RAB38: variants seen among roughly 807,000 people sequenced by gnomAD.
RAB38 encodes ras-related protein Rab-38.
RAB38 carries 15 observed loss-of-function variants against 18.4 expected under a neutral mutation model. That is an observed-to-expected ratio of 0.82 (90% CI 0.55 to 1.26). The LOEUF (loss-of-function observed/expected upper bound fraction) is 1.26. Among genes scored for constraint, RAB38 ranks in the 50% most tolerant of loss-of-function variants. The pLI, the probability that RAB38 is intolerant of heterozygous loss-of-function variation, is 0.00. For missense variants in RAB38, 294 were observed against 267.4 expected (o/e 1.10, Z -0.69); for synonymous variants, 101 against 104.4 (o/e 0.97, Z 0.20).
the RAB38 span, among the ~76,000 whole-genome samples, chr11:88,005,542 G>C: frequency 6.6e-6 from 1 of 150,654 alleles, no homozygotes; most frequent in Non-Finnish European, 1.5e-5. Flanking sequence ...TATTTTGTTG[G>C]TTGTCTCTTT....
chr11:87,820,151 C>T, the RAB38 span, among the ~76,000 whole-genome samples: 1 of 152,308 alleles, frequency 6.6e-6, no homozygotes, highest in Non-Finnish European at 1.5e-5. Context: ...TAGTGCTCTG[C>T]AGCTGGCGTT....
the RAB38 span, among the ~76,000 whole-genome samples, chr11:88,021,173 G>A: frequency 6.6e-6 from 1 of 152,056 alleles, no homozygotes; most frequent in Non-Finnish European, 1.5e-5. Flanking sequence ...TTGGTTTATT[G>A]AAAAGATAAA....
At chr11:87,821,583 C>T in the RAB38 span, among the ~76,000 whole-genome samples, 2 of 152,116 alleles carry the variant, frequency 1.3e-5, no homozygotes, top group African/African-American at 4.8e-5. Flanking sequence ...GGCACAGTGG[C>T]TCAGGCCTGT....
At chr11:87,843,845 G>A in the RAB38 span, among the ~76,000 whole-genome samples, 2 of 152,112 alleles carry the variant, frequency 1.3e-5, no homozygotes, top group East Asian at 1.9e-4. Flanking sequence ...ATAGGGTTCT[G>A]GGTAATGTAA....
At chr11:87,918,232 A>G in the RAB38 span, among the ~76,000 whole-genome samples, 7,476 of 152,180 alleles carry the variant, frequency 0.049, 589 homozygotes, top group African/African-American at 0.17. Flanking sequence ...TTCTTTGTAT[A>G]GCTGAATAGT....
chr11:87,929,355 CTTTTT>C, the RAB38 span, among the ~76,000 whole-genome samples: 1 of 147,714 alleles, frequency 6.8e-6, no homozygotes, highest in Admixed American at 6.8e-5. Flanking sequence ...TATCTCATTC[CTTTTT>C]TTTTTCCAGC....
At chr11:88,026,399 T>TA in the RAB38 span, among the ~76,000 whole-genome samples, 2 of 148,468 alleles carry the variant, frequency 1.3e-5, no homozygotes, top group South Asian at 2.2e-4. Flanking sequence ...CCGTCTCCAC[T>TA]AAAAAAACAA....
the RAB38 span, among the ~76,000 whole-genome samples, chr11:87,976,317 C>A: frequency 0.039 from 5,169 of 132,194 alleles, 184 homozygotes; most frequent in South Asian, 0.089. Flanking sequence ...TACACATATA[C>A]CAGAGTTTTT....
the RAB38 span, among the ~76,000 whole-genome samples, chr11:87,873,949 T>TATATATATATATATATATAC: frequency 1.3e-3 from 186 of 137,990 alleles, 1 homozygote; most frequent in Admixed American, 4.4e-3. Context: ...TATATATATA[T>TATATATATATATATATATAC]ACTCTGCATA....
chr11:88,172,321 C>G (rs1163112340), intron 1 of RAB38, among the ~76,000 whole-genome samples: 1 of 152,214 alleles, frequency 6.6e-6, no homozygotes, highest in East Asian at 1.9e-4. Context: ...GCCTACTTCA[C>G]AAGACCCCAG....
chr11:87,947,962 G>T, the RAB38 span, among the ~76,000 whole-genome samples: 19 of 152,118 alleles, frequency 1.2e-4, no homozygotes, highest in Non-Finnish European at 2.1e-4. Flanking sequence ...GGGGATGGCA[G>T]TGAATCTATA....
chr11:88,135,432 T>C (rs1432206105), intron 2 of RAB38, among the ~76,000 whole-genome samples: 1 of 152,190 alleles, frequency 6.6e-6, no homozygotes. Flanking sequence ...AATAAATGAA[T>C]AGATAAAACC....
chr11:87,904,632 T>C, the RAB38 span, among the ~76,000 whole-genome samples: 1 of 151,706 alleles, frequency 6.6e-6, no homozygotes, highest in African/African-American at 2.4e-5. Context: ...GATAGTTCTG[T>C]TTTAAATTCT....
At chr11:88,026,156 G>T in the RAB38 span, among the ~76,000 whole-genome samples, 8 of 151,738 alleles carry the variant, frequency 5.3e-5, 1 homozygote, top group African/African-American at 2.4e-5. Context: ...GTAGAGACAG[G>T]GTTTCACCAT....
the RAB38 span, among the ~76,000 whole-genome samples, chr11:87,811,557 G>C: frequency 6.6e-6 from 1 of 151,950 alleles, no homozygotes; most frequent in Non-Finnish European, 1.5e-5. Flanking sequence ...CCCTCTATTT[G>C]GAATATTTAC....
At chr11:88,171,821 G>A (rs752736810) in intron 1 of RAB38, among the ~76,000 whole-genome samples, 11 of 152,156 alleles carry the variant, frequency 7.2e-5, no homozygotes, top group Non-Finnish European at 1.5e-4. Flanking sequence ...ATAAAAAAGT[G>A]GAGTCTCAAG....
the RAB38 span, among the ~76,000 whole-genome samples, chr11:88,052,986 G>A: frequency 9.9e-6 from 1 of 100,564 alleles, no homozygotes; most frequent in Non-Finnish European, 1.9e-5. Context: ...TTATATATAT[G>A]TTGTGTGTGT....
At chr11:87,900,799 TAAGAA>T in the RAB38 span, among the ~76,000 whole-genome samples, 1 of 141,936 alleles carries the variant, frequency 7.0e-6, no homozygotes, top group Non-Finnish European at 1.6e-5. Context: ...TACAAAAAGA[TAAGAA>T]ATAAAGCAAA....
chr11:87,813,544 A>C, the RAB38 span, among the ~76,000 whole-genome samples: 2 of 150,124 alleles, frequency 1.3e-5, no homozygotes, highest in Non-Finnish European at 3.0e-5. Flanking sequence ...CATCTCTGTC[A>C]GATGTTTTAT....
Sources: gnomAD v4.1 joint callset for allele counts (sites outside exome capture counted in the v4.1 genomes callset) on GRCh38, gnomAD v4.1.1 for gene constraint, MANE v1.5 for transcripts, NCBI Gene and HGNC (gene_info 2026-07-23, HGNC 2026-07-21) for gene names.